LARP4: variants seen among roughly 807,000 people sequenced by gnomAD.
The protein encoded by LARP4 is La ribonucleoprotein 4.
Under a neutral mutation model 92.9 loss-of-function variants are expected in LARP4, and 29 were observed. The ratio of observed to expected loss-of-function variants is 0.31; its 90% CI spans 0.23 to 0.43. LARP4 has a LOEUF of 0.43. LARP4 is among the 20% of genes least tolerant of loss of function. The pLI is 1.00. For synonymous variants in LARP4, 279 were observed against 284.1 expected, an observed-to-expected ratio of 0.98 and a Z score of 0.18; for missense variants, 732 against 860.0, an observed-to-expected ratio of 0.85 and a Z score of 1.86.
At chr12:50,423,280 AATTTT>A (rs1948150836) in intron 1 of LARP4, among the ~76,000 whole-genome samples, 1 of 152,088 alleles carries the variant, frequency 6.6e-6, no homozygotes, top group African/African-American at 2.4e-5. Flanking sequence ...CATCTTTTGT[AATTTT>A]ATGTTTCTTC....
intron 2 of LARP4, among the ~76,000 whole-genome samples, 157 bp downstream of exon 2, chr12:50,428,066 A>G (rs1382763629): frequency 3.0e-5 from 4 of 132,490 alleles, no homozygotes; most frequent in Non-Finnish European, 6.1e-5. Flanking sequence ...CGCAGTCTTC[A>G]CTCACTGCAA....
intron 8 of LARP4, among the ~76,000 whole-genome samples, chr12:50,450,817 AT>A (rs995389653): frequency 4.6e-4 from 70 of 151,240 alleles, no homozygotes; most frequent in Non-Finnish European, 9.6e-4. Flanking sequence ...TCTCCTGTTA[AT>A]TTTTTTTTGA....
At chr12:50,444,605 G>A (rs940720510) in intron 8 of LARP4, among the ~76,000 whole-genome samples, 5 of 152,126 alleles carry the variant, frequency 3.3e-5, no homozygotes, top group Non-Finnish European at 7.4e-5. Context: ...AGTATGTCAG[G>A]CCAACCTGTA....
rs549998037 is a variant in LARP4 at position 50,413,407 on chromosome 12, A to T, written c.18+12379A>T. Reference sequence around the variant, plus strand: ...CATACACAACTGAAATACACTGTAAAATATATATTTTACAGTATCACAGAT... The same window carrying T: ...CATACACAACTGAAATACACTGTAATATATATATTTTACAGTATCACAGAT... On this transcript the variant is annotated intron_variant, in intron 1 of 15. Transcript: ENST00000398473. Among the ~76,000 whole-genome samples the T allele has an allele frequency of 3.7e-4, 56 of 152,212 alleles. No individual in the cohort carries two copies. The South Asian group carries it at 0.011, about 31-fold the overall frequency.
chr12:50,468,896 T>C (rs959896906), intron 13 of LARP4, among the ~76,000 whole-genome samples: 1 of 152,108 alleles, frequency 6.6e-6, no homozygotes, highest in Admixed American at 6.5e-5. Flanking sequence ...TAATATACTA[T>C]GATTGTTTCT....
At chr12:50,436,102 GTGTGTGTGTGTGTGTGTGATA>G (rs1406116857) in intron 5 of LARP4, among the ~76,000 whole-genome samples, 2 of 2,202 alleles carry the variant, frequency 9.1e-4, no homozygotes, top group South Asian at 0.016. Context: ...TATCCCGCTG[GTGTGTGTGTGTGTGTGTGATA>G]TGTGTGTGTG....
rs1403328013 is a variant in LARP4, at chr12:50,435,472, T to C, written c.399-16T>C. On this transcript the variant is annotated splice_polypyrimidine_tract_variant and intron_variant, in intron 4 of 15. Transcript: ENST00000398473. The stretch of plus-strand genomic sequence containing the variant: ...TTAATAATTGCTTGTTTTATAGGAC[T>C]ATTTTGTTTTTTCAGAGAAAATTTG... 1 of 1,271,522 alleles carries C rather than the reference T, an allele frequency of 7.9e-7. No homozygotes were observed. The allele number at this position is 1,271,522 out of a possible 1,614,324, so 78.8% of individuals were successfully genotyped here.
intron 1 of LARP4, chr12:50,412,342 C>A: frequency 1.5e-6 from 1 of 660,960 alleles, no homozygotes; most frequent in Non-Finnish European, 1.9e-6. Flanking sequence ...AAAAATTGAA[C>A]CTGGATGATT....
At chr12:50,445,636 G>T (rs797003108) in intron 8 of LARP4, among the ~76,000 whole-genome samples, 4 of 152,030 alleles carry the variant, frequency 2.6e-5, no homozygotes, top group African/African-American at 9.6e-5. Flanking sequence ...TGTTGTTGTT[G>T]TTCTCCAGAT....
chr12:50,423,464 T>C (rs1397099216), intron 1 of LARP4, among the ~76,000 whole-genome samples: 2 of 152,162 alleles, frequency 1.3e-5, no homozygotes, highest in African/African-American at 4.8e-5. Flanking sequence ...TGTTTTCTTT[T>C]TTGAGACGGA....
At chr12:50,437,690 C>A in intron 5 of LARP4, 45 bp from the exon 6 acceptor site, 1 of 1,077,236 alleles carries the variant, frequency 9.3e-7, no homozygotes, top group South Asian at 1.4e-5. Context: ...TTAATAATAT[C>A]ACTACTTGTC....
intron 13 of LARP4, among the ~76,000 whole-genome samples, chr12:50,468,459 A>C (rs1593436798): frequency 2.0e-5 from 3 of 149,172 alleles, no homozygotes; most frequent in Non-Finnish European, 4.4e-5. Flanking sequence ...ACGCCCGGCT[A>C]ATTTTTTTTT....
chr12:50,431,868 C>T (rs755029310), intron 4 of LARP4, among the ~76,000 whole-genome samples: 1 of 151,900 alleles, frequency 6.6e-6, no homozygotes, highest in Non-Finnish European at 1.5e-5. Context: ...CAAAAACATT[C>T]ATGTAATATT....
rs71083567 is a variant in LARP4, at chr12:50,420,947, C to CTTTTTTTTTTTTTTTTTTTTTT, written c.19-6798_19-6797insTTTTTTTTTTTTTTTTTTTTTT. On this transcript the variant is annotated intron_variant, in intron 1 of 15. Transcript: ENST00000398473. ...ATTTGAAGGTACAGAATAACCTTTG[C>CTTTTTTTTTTTTTTTTTTTTTT]TTTTTTTTTTTTTTTTTGGAGAGAT... 26 of 111,436 alleles carry CTTTTTTTTTTTTTTTTTTTTTT rather than the reference C, an allele frequency of 2.3e-4. 2 individuals carry two copies. The highest frequency in any genetic ancestry group is 8.9e-4 in the African/African-American group (26 of 29,154). 6.9% of individuals were successfully genotyped at this position (111,436 alleles called of 1,614,324 possible).
chr12:50,456,611 GACTA>G (rs1180086430), intron 10 of LARP4, among the ~76,000 whole-genome samples: 1 of 152,116 alleles, frequency 6.6e-6, no homozygotes, highest in Non-Finnish European at 1.5e-5. Context: ...GAGAGAATAG[GACTA>G]ACTTTCAGAA....
Position 50,453,612 on chromosome 12 carries a change from C to G in LARP4, c.957C>G (p.Val319=). The G allele has an allele frequency of 6.2e-7, 1 of 1,613,306 alleles. No individual in the cohort carries two copies. The highest frequency in any genetic ancestry group is 1.1e-5 in the South Asian group (1 of 91,026). Reference sequence around the variant, plus strand: ...ATAATCCTCACCAACAGTACTCGGTCTATAGTATTGTGCCTCAGTCTTGGT... The same window carrying G: ...ATAATCCTCACCAACAGTACTCGGTGTATAGTATTGTGCCTCAGTCTTGGT... ...PVYNPHQQYS[V]YSIVPQSWSP... Residue 319 remains valine (V), a synonymous_variant, in exon 9 of 16, where the codon GTC becomes GTG. Coordinates refer to ENST00000398473, the MANE Select transcript of LARP4 (RefSeq NM_052879.5).
At chr12:50,451,664 G>A (rs772958594) in intron 8 of LARP4, among the ~76,000 whole-genome samples, 10 of 152,100 alleles carry the variant, frequency 6.6e-5, no homozygotes, top group Non-Finnish European at 1.0e-4. Flanking sequence ...GTGAAACCCC[G>A]TCTCTACTAA....
At chr12:50,452,687 G>T (rs1478568659) in intron 8 of LARP4, among the ~76,000 whole-genome samples, 1 of 152,062 alleles carries the variant, frequency 6.6e-6, no homozygotes, top group African/African-American at 2.4e-5. Flanking sequence ...GTGATTTTGA[G>T]CATTTTTACA....
intron 10 of LARP4, among the ~76,000 whole-genome samples, chr12:50,455,881 T>C (rs1317403652): frequency 6.6e-6 from 1 of 152,098 alleles, no homozygotes; most frequent in Non-Finnish European, 1.5e-5. Flanking sequence ...ACATCATCTC[T>C]ACCAAAAATA....
Sources: allele counts gnomAD v4.1 joint callset (sites outside exome capture counted in the v4.1 genomes callset), GRCh38; gene constraint gnomAD v4.1.1; transcripts MANE v1.5; gene names NCBI Gene and HGNC (gene_info 2026-07-23, HGNC 2026-07-21).